SLCO3A1: variants seen among roughly 807,000 people sequenced by gnomAD.
SLCO3A1 encodes PGE1 transporter.
SLCO3A1 carries 27 observed loss-of-function variants against 63.1 expected under a neutral mutation model. The ratio of observed to expected loss-of-function variants is 0.43; its 90% CI spans 0.32 to 0.59. The LOEUF is 0.59. Ranked by LOEUF, SLCO3A1 falls within the 20% of genes least tolerant of loss-of-function variation. The pLI is 0.09. For synonymous variants in SLCO3A1, 473 were observed against 409.9 expected, an observed-to-expected ratio of 1.15 and a Z score of -1.86; for missense variants, 773 against 945.8, an observed-to-expected ratio of 0.82 and a Z score of 2.40.
chr15:91,897,818 C>T lies in SLCO3A1; in HGVS notation c.181-18175C>T, dbSNP rs1465239618. Among the ~76,000 whole-genome samples, 1 of 152,176 alleles carries T rather than the reference C, an allele frequency of 6.6e-6. No individual in the cohort carries two copies. The highest frequency in any genetic ancestry group is 2.4e-5 in the African/African-American group (1 of 41,438). ...CTCTCTATTTTCTGACCTGCTCAGG[C>T]ATCCTGCAATGGATGACATGTGAGC... is the stretch of plus-strand genomic sequence containing the variant. On this transcript the variant is annotated intron_variant, in intron 1 of 9. Transcript: ENST00000318445. The surrounding 1 kb of genome is among the most constrained non-coding windows in gnomAD (Gnocchi z 4.7).
chr15:92,147,827 T>TATCA (rs2048249226), intron 8 of SLCO3A1, among the ~76,000 whole-genome samples: 1 of 152,198 alleles, frequency 6.6e-6, no homozygotes, highest in Non-Finnish European at 1.5e-5. Context: ...GAGTAACTTT[T>TATCA]ATCATTTGCA....
At chr15:91,879,647 C>T (rs1254076373) in intron 1 of SLCO3A1, among the ~76,000 whole-genome samples, 2 of 152,234 alleles carry the variant, frequency 1.3e-5, no homozygotes, top group South Asian at 4.2e-4. Flanking sequence ...TTGTTCTAGC[C>T]GCTCAGAACA....
chr15:91,921,536 TGATG>T (rs1898844919), intron 2 of SLCO3A1, among the ~76,000 whole-genome samples: 1 of 152,150 alleles, frequency 6.6e-6, no homozygotes, highest in Non-Finnish European at 1.5e-5. Flanking sequence ...CTTGAGGAAT[TGATG>T]ATATAGTTTT....
rs565219308 is a variant in SLCO3A1, at chr15:92,165,661, G to A, written c.*2526G>A. The A allele has an allele frequency of 3.2e-5, 32 of 985,368 alleles. No homozygotes were observed. Among genetic ancestry groups the A allele is most frequent in the Non-Finnish European group, 3.6e-5 (30 of 829,908 alleles). 61.0% of individuals were successfully genotyped at this position (985,368 alleles called of 1,614,324 possible). On this transcript the variant is annotated 3_prime_UTR_variant, in exon 10 of 10. Coordinates refer to ENST00000318445, the MANE Select transcript of SLCO3A1 (RefSeq NM_013272.4). Reference sequence around the variant, plus strand: ...ATAAATTTAAAGACCGCTGTTGCAGGATGGCTCTGAATTCTGTTGTGTCGT... The same window carrying A: ...ATAAATTTAAAGACCGCTGTTGCAGAATGGCTCTGAATTCTGTTGTGTCGT...
At chr15:91,884,905 C>T (rs763065478) in intron 1 of SLCO3A1, among the ~76,000 whole-genome samples, 14 of 151,958 alleles carry the variant, frequency 9.2e-5, no homozygotes, top group Non-Finnish European at 1.5e-4. Context: ...CTGAGCATCA[C>T]GGAAACTAGT....
At chr15:92,043,363 A>G (rs1030430828) in intron 2 of SLCO3A1, among the ~76,000 whole-genome samples, 2 of 152,216 alleles carry the variant, frequency 1.3e-5, no homozygotes, top group Admixed American at 1.3e-4. Context: ...CAAACATCCA[A>G]TGAGAATTAA....
rs370667219 is a variant in SLCO3A1 at position 91,888,248 on chromosome 15, G to A, written c.181-27745G>A. Among the ~76,000 whole-genome samples, 62 of 152,250 alleles carry A rather than the reference G, an allele frequency of 4.1e-4. No individual in the cohort carries two copies. The East Asian group carries it at 7.4e-3, about 18-fold the overall frequency. On this transcript the variant is annotated intron_variant, in intron 1 of 9. Transcript: ENST00000318445. Reference sequence around the variant, plus strand: ...TCCAACTCCCTCTGTCTCAGAGATGGGGTTGGCAGTGTCATCTGAATGGGG... The same window carrying A: ...TCCAACTCCCTCTGTCTCAGAGATGAGGTTGGCAGTGTCATCTGAATGGGG...
chr15:92,087,810 C>T lies in SLCO3A1; in HGVS notation c.647-7071C>T, dbSNP rs189747652. On this transcript the variant is annotated intron_variant, in intron 2 of 9. Transcript: ENST00000318445. ...CTGGGATTAGAGGTGTGAGCCACCA[C>T]GCCCAGCCCCATCTATTATTATCTT... Among the ~76,000 whole-genome samples the T allele has an allele frequency of 3.7e-3, 567 of 152,254 alleles. 4 individuals are homozygous for T. The highest frequency in any genetic ancestry group is 0.013 in the African/African-American group (540 of 41,534).
intron 2 of SLCO3A1, among the ~76,000 whole-genome samples, chr15:92,086,697 C>T (rs1413003841): frequency 6.6e-6 from 1 of 151,986 alleles, no homozygotes; most frequent in Non-Finnish European, 1.5e-5. Flanking sequence ...ATCTTTCAGC[C>T]GGGCGCAGTG....
At chr15:91,922,196 G>GCACACACACACACACACA (rs71156620) in intron 2 of SLCO3A1, among the ~76,000 whole-genome samples, 11 of 151,438 alleles carry the variant, frequency 7.3e-5, no homozygotes, top group South Asian at 4.2e-4. Flanking sequence ...GCGCGTGCAC[G>GCACACACACACACACACA]CACACACACA....
Position 92,163,500 on chromosome 15 carries a change from T to A in SLCO3A1, c.*365T>A. The A allele has an allele frequency of 2.0e-6, 2 of 1,001,504 alleles. No homozygotes were observed. Among genetic ancestry groups the A allele is most frequent in the Non-Finnish European group, 2.4e-6 (2 of 842,418 alleles). 62.0% of individuals were successfully genotyped at this position (1,001,504 alleles called of 1,614,324 possible). A position where few individuals can be genotyped will look rare whatever the true frequency, so the allele number is the denominator to read the frequency against. On this transcript the variant is annotated 3_prime_UTR_variant, in exon 10 of 10. Coordinates refer to ENST00000318445, the MANE Select transcript of SLCO3A1 (RefSeq NM_013272.4). ...GAGGATGGACATTTCTGGATACACA[T>A]ACACATACAAAACAGAAAACATTTT...
chr15:92,067,157 G>A (rs906194653), intron 2 of SLCO3A1, among the ~76,000 whole-genome samples: 1 of 151,928 alleles, frequency 6.6e-6, no homozygotes, highest in Admixed American at 6.5e-5. Context: ...CTGCTGTGTT[G>A]CCACAAACAC....
intron 1 of SLCO3A1, among the ~76,000 whole-genome samples, chr15:91,914,567 CTTTTTTTT>C (rs556314311): frequency 1.6e-5 from 2 of 122,248 alleles, no homozygotes; most frequent in African/African-American, 3.1e-5. Flanking sequence ...TATTTTCTTC[CTTTTTTTT>C]TTTTTTTTTT....
intron 2 of SLCO3A1, among the ~76,000 whole-genome samples, chr15:92,051,338 G>C (rs1055904300): frequency 6.6e-5 from 10 of 152,242 alleles, no homozygotes; most frequent in African/African-American, 2.2e-4. Context: ...TTAGGGAACA[G>C]CTTTGGGACA....
In SLCO3A1 at chr15:91,916,220, G is replaced by A; in HGVS notation, c.408G>A (p.Glu136=). ...TCCTGACCCACCAGTACAAGTACGA[G>A]GCGGGCGAGATCCGCTGGGGCGCCG... ...PEFLTHQYKY[E]AGEIRWGAEG... is the part of the protein sequence containing the mutation. Residue 136 remains glutamate, a synonymous_variant, in exon 2 of 10, where the codon GAG becomes GAA. Transcript: ENST00000318445. The surrounding 1 kb of genome is among the most constrained non-coding windows in gnomAD (Gnocchi z 6.2). 1 of 1,579,728 alleles carries A rather than the reference G, an allele frequency of 6.3e-7. No individual in the cohort carries two copies. The highest frequency in any genetic ancestry group is 8.6e-7 in the Non-Finnish European group (1 of 1,164,874).
At chr15:91,911,732 T>C (rs957835461) in intron 1 of SLCO3A1, among the ~76,000 whole-genome samples, 3 of 152,134 alleles carry the variant, frequency 2.0e-5, no homozygotes, top group African/African-American at 7.2e-5. Context: ...GTTCAAGCAG[T>C]TCTCCTGCCT....
At position 92,165,254 on chromosome 15, in the gene SLCO3A1, G is replaced by C; in HGVS notation, c.*2119G>C. ...AACTGCTTAGTGTTAGTATGTCCTTGCTTATGAAAATGGGGACACTCATCA... is the reference window on the plus strand; with the variant it reads ...AACTGCTTAGTGTTAGTATGTCCTTCCTTATGAAAATGGGGACACTCATCA... On this transcript the variant is annotated 3_prime_UTR_variant, in exon 10 of 10. Coordinates refer to ENST00000318445, the MANE Select transcript of SLCO3A1 (RefSeq NM_013272.4). 1 of 985,334 alleles carries C rather than the reference G, an allele frequency of 1.0e-6. No individual in the cohort carries two copies. The highest frequency in any genetic ancestry group is 1.2e-6 in the Non-Finnish European group (1 of 829,902). 61.0% of individuals were successfully genotyped at this position (985,334 alleles called of 1,614,324 possible). A position where few individuals can be genotyped will look rare whatever the true frequency, so the allele number is the denominator to read the frequency against.
chr15:92,046,794 T>A (rs1035007976), intron 2 of SLCO3A1, among the ~76,000 whole-genome samples: 14 of 150,410 alleles, frequency 9.3e-5, no homozygotes, highest in African/African-American at 2.9e-4. Context: ...AGAGTTAAAA[T>A]CTCAATTTTT....
intron 2 of SLCO3A1, among the ~76,000 whole-genome samples, chr15:92,030,171 C>G (rs1283308983): frequency 2.0e-5 from 3 of 152,200 alleles, no homozygotes; most frequent in Non-Finnish European, 2.9e-5. Context: ...TGTTTTATCC[C>G]ACAAAATGCC....
Sources: gnomAD v4.1 joint callset for allele counts (sites outside exome capture counted in the v4.1 genomes callset) on GRCh38, gnomAD v4.1.1 for gene constraint, Gnocchi (gnomAD v3.1) non-coding constraint, MANE v1.5 for transcripts, NCBI Gene and HGNC (gene_info 2026-07-23, HGNC 2026-07-21) for gene names.